SGIP1: variants seen among roughly 807,000 people sequenced by gnomAD.
SGIP1 encodes SH3-containing GRB2-like protein 3-interacting protein 1.
Under a neutral mutation model 107.5 loss-of-function variants are expected in SGIP1, and 38 were observed. The ratio of observed to expected loss-of-function variants is 0.35; its 90% CI spans 0.27 to 0.46. The LOEUF is 0.46. SGIP1 is among the 20% of genes least tolerant of loss of function. The pLI, the probability that SGIP1 is intolerant of heterozygous loss-of-function variation, is 1.00. For synonymous variants in SGIP1, 365 were observed against 366.1 expected (o/e 1.00, Z 0.03); for missense variants, 929 against 1,019.5 (o/e 0.91, Z 1.21).
In SGIP1 at chr1:66,548,653, C is replaced by A. The variant is rs560106669; in HGVS notation, c.10+14285C>A. On this transcript the variant is annotated intron_variant, in intron 1 of 24. Coordinates refer to ENST00000371037, the MANE Select transcript of SGIP1 (RefSeq NM_032291.4). ...GGCTTTTATCATTTCGTCACTGAGG[C>A]TTTTTCTCTCTAGGCCAGATCAGAA... Among the ~76,000 whole-genome samples the A allele has an allele frequency of 3.3e-5, 5 of 152,226 alleles. No individual in the cohort carries two copies. In the South Asian group the frequency reaches 1.0e-3, roughly 32 times the overall value.
intron 17 of SGIP1, among the ~76,000 whole-genome samples, chr1:66,692,577 C>T (rs1366403725): frequency 6.6e-6 from 1 of 152,146 alleles, no homozygotes; most frequent in Non-Finnish European, 1.5e-5. Context: ...CTGTTCAACA[C>T]CAAAGGGCCT....
Position 66,747,462 on chromosome 1 carries a change from A to G in SGIP1, c.*4367A>G, listed in dbSNP as rs2094568775. ...ACTATCTCAGTCTCAAAGTAGCCTG[A>G]AATGCATTTTCTCATTTTCATATTT... is the stretch of plus-strand genomic sequence containing the variant. On this transcript the variant is annotated 3_prime_UTR_variant, in exon 25 of 25. Coordinates refer to ENST00000371037, the MANE Select transcript of SGIP1 (RefSeq NM_032291.4). 6.6e-6 allele frequency: 1 copy of G among 152,008 alleles called. No individual in the cohort carries two copies. Among genetic ancestry groups the G allele is most frequent in the Admixed American group, 6.6e-5 (1 of 15,262 alleles). The allele number at this position is 152,008 out of a possible 1,614,324, so 9.4% of individuals were successfully genotyped here.
chr1:66,656,792 T>C (rs2079878998), intron 7 of SGIP1, among the ~76,000 whole-genome samples: 1 of 152,174 alleles, frequency 6.6e-6, no homozygotes, highest in African/African-American at 2.4e-5. Flanking sequence ...TGAATAATCC[T>C]TTTGCTCCTT....
At position 66,659,566 on chromosome 1, in the gene SGIP1, A is replaced by AT. The variant is rs144663516; in HGVS notation, c.460-940dup. 8.7e-3 allele frequency among the ~76,000 whole-genome samples: 1,327 copies of AT among 152,184 alleles called. 26 individuals carry two copies. The highest frequency in any genetic ancestry group is 0.031 in the African/African-American group (1,269 of 41,508). On this transcript the variant is annotated intron_variant, in intron 7 of 24. Coordinates refer to ENST00000371037, the MANE Select transcript of SGIP1 (RefSeq NM_032291.4). ...ACTCCTCTCAATATTACAAGGCATA[A>AT]TTTTTTTATTGTCAAGCCACAGATC...
intron 1 of SGIP1, among the ~76,000 whole-genome samples, chr1:66,589,210 A>ATGTGTGTGTGTG (rs1351093715): frequency 7.2e-5 from 5 of 69,006 alleles, no homozygotes; most frequent in East Asian, 8.8e-4. Flanking sequence ...ATATATATAT[A>ATGTGTGTGTGTG]TATATATGTA....
intron 1 of SGIP1, among the ~76,000 whole-genome samples, chr1:66,621,212 G>T (rs2071007202): frequency 6.6e-6 from 1 of 152,214 alleles, no homozygotes; most frequent in South Asian, 2.1e-4. Context: ...TTACTTTCTT[G>T]ATTCTGAAGG....
chr1:66,588,703 C>A (rs776185877), intron 1 of SGIP1, among the ~76,000 whole-genome samples: 2 of 134,962 alleles, frequency 1.5e-5, no homozygotes, highest in Middle Eastern at 5.2e-3. Context: ...CTACAAAGCT[C>A]TAAGTGCAGT....
chr1:66,543,814 A>G (rs1396063922), intron 1 of SGIP1, among the ~76,000 whole-genome samples: 2 of 152,154 alleles, frequency 1.3e-5, no homozygotes, highest in East Asian at 3.8e-4. Flanking sequence ...AATGCTGGCT[A>G]CCTACCTCGT....
chr1:66,724,225 T>G (rs551956760), intron 19 of SGIP1, among the ~76,000 whole-genome samples: 55 of 152,322 alleles, frequency 3.6e-4, no homozygotes, highest in African/African-American at 1.3e-3. Flanking sequence ...GTCACTTGGC[T>G]GGTTGACTTT....
chr1:66,543,609 C>G (rs1366498153), intron 1 of SGIP1, among the ~76,000 whole-genome samples: 1 of 152,168 alleles, frequency 6.6e-6, no homozygotes, highest in South Asian at 2.1e-4. Context: ...AATGTGTCCC[C>G]AGGGTCATTG....
chr1:66,620,690 C>T (rs1447147495), intron 1 of SGIP1, among the ~76,000 whole-genome samples: 1 of 152,178 alleles, frequency 6.6e-6, no homozygotes, highest in African/African-American at 2.4e-5. Context: ...GTGGGGATTA[C>T]AATTCCAGAT....
chr1:66,750,007 C>CTTTA lies in SGIP1; in HGVS notation c.*6913_*6914insTTAT, dbSNP rs1553200181. Among the ~76,000 whole-genome samples the CTTTA allele has an allele frequency of 2.2e-4, 23 of 104,652 alleles. 2 individuals carry two copies. Among genetic ancestry groups the CTTTA allele is most frequent in the Admixed American group, 1.6e-3 (17 of 10,952 alleles). The allele number at this position is 104,652 out of a possible 152,430, so 68.7% of individuals were successfully genotyped here. A position where few individuals can be genotyped will look rare whatever the true frequency, so the allele number is the denominator to read the frequency against. ...TATCTAATTCATATTCTCTCTCTCTCTCTCTCTCTTTCTCTGTGTGTGTGT... is the reference window on the plus strand; with the variant it reads ...TATCTAATTCATATTCTCTCTCTCTCTTTATCTCTCTCTTTCTCTGTGTGTGTGT... On this transcript the variant is annotated 3_prime_UTR_variant, in exon 25 of 25. Coordinates refer to ENST00000371037, the MANE Select transcript of SGIP1 (RefSeq NM_032291.4).
chr1:66,606,348 C>T (rs7524818), intron 1 of SGIP1, among the ~76,000 whole-genome samples: 95,500 of 152,052 alleles, frequency 0.63, 30,779 homozygotes, highest in East Asian at 1. Context: ...ATGTCTGTTT[C>T]TTCCTTTATC....
intron 1 of SGIP1, among the ~76,000 whole-genome samples, chr1:66,589,200 A>ATGTGTGTG (rs1456595605): frequency 2.9e-4 from 16 of 54,474 alleles, no homozygotes; most frequent in South Asian, 2.9e-3. Context: ...ATATATATAT[A>ATGTGTGTG]TATATATATA....
intron 1 of SGIP1, among the ~76,000 whole-genome samples, chr1:66,582,875 CA>C (rs2062014145): frequency 6.7e-6 from 1 of 150,310 alleles, no homozygotes; most frequent in Non-Finnish European, 1.5e-5. Context: ...CTTTGTTTAA[CA>C]GAGGGGCAAC....
chr1:66,730,300 A>T (rs1320203659), intron 20 of SGIP1, among the ~76,000 whole-genome samples: 1 of 152,158 alleles, frequency 6.6e-6, no homozygotes, highest in Non-Finnish European at 1.5e-5. Context: ...TCTAACTATT[A>T]AACCTGAATT....
Position 66,741,442 on chromosome 1 carries a change from T to C in SGIP1, c.2464+6T>C. ...CAAGAAAAGGTTTGCTGCAGGTAAATGAGTATCTTGATTTTTTCATTTGCG... is the reference window on the plus strand; with the variant it reads ...CAAGAAAAGGTTTGCTGCAGGTAAACGAGTATCTTGATTTTTTCATTTGCG... On this transcript the variant is annotated splice_donor_region_variant and intron_variant, in intron 24 of 24. Transcript: ENST00000371037. The C allele has an allele frequency of 1.3e-6, 2 of 1,555,080 alleles. No homozygotes were observed. The highest frequency in any genetic ancestry group is 1.7e-6 in the Non-Finnish European group (2 of 1,149,006).
intron 1 of SGIP1, among the ~76,000 whole-genome samples, chr1:66,619,569 A>T (rs758923570): frequency 1.7e-4 from 26 of 152,200 alleles, no homozygotes; most frequent in Admixed American, 3.3e-4. Context: ...GTCTGCTAAG[A>T]TGCTGATAGG....
chr1:66,636,551 C>G (rs2075814586), intron 4 of SGIP1, among the ~76,000 whole-genome samples: 1 of 152,212 alleles, frequency 6.6e-6, no homozygotes, highest in South Asian at 2.1e-4. Flanking sequence ...TTCAGTTCCT[C>G]AGTTGCACTT....
Sources: allele counts gnomAD v4.1 joint callset (sites outside exome capture counted in the v4.1 genomes callset), GRCh38; gene constraint gnomAD v4.1.1; transcripts MANE v1.5; gene names NCBI Gene and HGNC (gene_info 2026-07-23, HGNC 2026-07-21).